The following DCC variants were observed in gnomAD, a reference collection of about 807,000 sequenced individuals.
DCC encodes DCC netrin 1 receptor.
A neutral mutation model predicts 172.5 loss-of-function variants in DCC; 58 were observed. That is an observed-to-expected ratio of 0.34 (90% CI 0.27 to 0.42). DCC has a LOEUF of 0.42. Among genes scored for constraint, DCC ranks in the 10% least tolerant of loss-of-function variants. DCC has a pLI of 1.00. For synonymous variants in DCC, 709 were observed against 644.5 expected, an observed-to-expected ratio of 1.10 and a Z score of -1.52; for missense variants, 1,740 against 1,791.0, an observed-to-expected ratio of 0.97 and a Z score of 0.51.
intron 2 of DCC, among the ~76,000 whole-genome samples, chr18:52,904,857 CAT>C (rs1045396030): frequency 1.3e-5 from 2 of 152,122 alleles, no homozygotes; most frequent in Admixed American, 6.5e-5. Flanking sequence ...GAATAGCAAA[CAT>C]AAATAATTAT....
chr18:52,342,472 TG>T (rs1983696627), intron 1 of DCC, among the ~76,000 whole-genome samples: 1 of 13,374 alleles, frequency 7.5e-5, no homozygotes, highest in African/African-American at 3.1e-4. Flanking sequence ...GGTGGGGGGG[TG>T]GGCATCTCCA....
chr18:53,346,321 T>C (rs1160246805), intron 15 of DCC, among the ~76,000 whole-genome samples: 1 of 152,200 alleles, frequency 6.6e-6, no homozygotes, highest in African/African-American at 2.4e-5. Flanking sequence ...ATTAAATCTG[T>C]AAATTTATGA....
rs535796259 is a variant in DCC, at chr18:52,929,554, G to A, written c.985+4184G>A. 3.9e-5 allele frequency among the ~76,000 whole-genome samples: 6 copies of A among 152,160 alleles called. No individual in the cohort carries two copies. In the Middle Eastern group the frequency reaches 0.014, roughly 345 times the overall value. On this transcript the variant is annotated intron_variant, in intron 5 of 28. Coordinates refer to ENST00000442544, the MANE Select transcript of DCC (RefSeq NM_005215.4). ...AATACAAGCTGTTCTTTGAAAATGA[G>A]GTTAAAACAACTGCCATACTTCGAA...
At chr18:53,293,931 G>T (rs1400141881) in intron 12 of DCC, among the ~76,000 whole-genome samples, 1 of 152,134 alleles carries the variant, frequency 6.6e-6, no homozygotes, top group Non-Finnish European at 1.5e-5. Flanking sequence ...TCTGTGAACA[G>T]TCATAGATTG....
chr18:53,124,980 AATG>A (rs558761130), intron 7 of DCC, among the ~76,000 whole-genome samples: 277 of 152,018 alleles, frequency 1.8e-3, no homozygotes, highest in Non-Finnish European at 3.2e-3. Context: ...AAAAAAAAAA[AATG>A]ATGCTATCAT....
At chr18:53,340,200 A>G (rs1227474420) in intron 15 of DCC, among the ~76,000 whole-genome samples, 1 of 152,096 alleles carries the variant, frequency 6.6e-6, no homozygotes, top group Non-Finnish European at 1.5e-5. Flanking sequence ...ATAGGATACA[A>G]AAAGTGCGTT....
chr18:53,416,282 A>G, intron 21 of DCC, 126 bp downstream of exon 21: 2 of 764,468 alleles, frequency 2.6e-6, no homozygotes, highest in Non-Finnish European at 4.7e-6. Flanking sequence ...CACTGGCGTG[A>G]CGATTAATCT....
intron 7 of DCC, among the ~76,000 whole-genome samples, chr18:53,078,673 A>G (rs1246968027): frequency 6.6e-6 from 1 of 152,178 alleles, no homozygotes; most frequent in Non-Finnish European, 1.5e-5. Context: ...CCATCAAACA[A>G]TAATTAATCA....
chr18:52,400,340 A>G (rs536724510), intron 1 of DCC, among the ~76,000 whole-genome samples: 48 of 152,162 alleles, frequency 3.2e-4, no homozygotes, highest in Non-Finnish European at 6.3e-4. Flanking sequence ...TTCCTAAACA[A>G]AACTTCCTAT....
At chr18:53,347,358 G>GA (rs1243223535) in intron 15 of DCC, among the ~76,000 whole-genome samples, 1 of 152,158 alleles carries the variant, frequency 6.6e-6, no homozygotes, top group Non-Finnish European at 1.5e-5. Flanking sequence ...TTTTTGGGGG[G>GA]ATTGTTTTGT....
chr18:53,311,946 G>A (rs959347040), intron 13 of DCC, among the ~76,000 whole-genome samples: 1 of 152,202 alleles, frequency 6.6e-6, no homozygotes, highest in East Asian at 1.9e-4. Flanking sequence ...GATTGTATCA[G>A]TATTAAAAGG....
intron 14 of DCC, among the ~76,000 whole-genome samples, chr18:53,332,348 T>G (rs1253621715): frequency 1.3e-5 from 2 of 152,046 alleles, no homozygotes; most frequent in African/African-American, 4.8e-5. Flanking sequence ...AAAACACATA[T>G]TAAAAGTAAA....
At chr18:53,316,666 C>T (rs946078462) in intron 13 of DCC, among the ~76,000 whole-genome samples, 6 of 152,202 alleles carry the variant, frequency 3.9e-5, no homozygotes, top group Admixed American at 3.3e-4. Flanking sequence ...CTTGAAGACA[C>T]CCTTCACATC....
chr18:53,455,657 T>C (rs2045473908), intron 23 of DCC, among the ~76,000 whole-genome samples: 1 of 152,236 alleles, frequency 6.6e-6, no homozygotes. Flanking sequence ...ATCTGATTAA[T>C]ATTAACTCTC....
At chr18:53,399,527 C>G (rs1909169775) in intron 18 of DCC, among the ~76,000 whole-genome samples, 1 of 152,078 alleles carries the variant, frequency 6.6e-6, no homozygotes, top group Non-Finnish European at 1.5e-5. Flanking sequence ...ATTCCTATGG[C>G]TGAAATCTTC....
chr18:53,241,497 A>G (rs2056293715), intron 12 of DCC, among the ~76,000 whole-genome samples: 1 of 152,106 alleles, frequency 6.6e-6, no homozygotes, highest in Admixed American at 6.6e-5. Context: ...CCGCAGTTTC[A>G]TGGTCCCTGG....
At chr18:53,134,057 T>C (rs2043700281) in intron 7 of DCC, among the ~76,000 whole-genome samples, 1 of 152,182 alleles carries the variant, frequency 6.6e-6, no homozygotes, top group Non-Finnish European at 1.5e-5. Flanking sequence ...TAGAATTATT[T>C]ACTTTCAGCC....
At chr18:52,925,700 A>T (rs1221527394) in intron 5 of DCC, among the ~76,000 whole-genome samples, 1 of 151,970 alleles carries the variant, frequency 6.6e-6, no homozygotes, top group East Asian at 1.9e-4. Flanking sequence ...ATGAAGGAAA[A>T]TTGTACAAAA....
At chr18:53,448,047 GTTTTTTT>G (rs35238619) in intron 22 of DCC, among the ~76,000 whole-genome samples, 2 of 113,756 alleles carry the variant, frequency 1.8e-5, no homozygotes, top group African/African-American at 3.4e-5. Context: ...ATTTTGATGA[GTTTTTTT>G]TTTTTTTTTT....
Sources: allele counts gnomAD v4.1 joint callset (sites outside exome capture counted in the v4.1 genomes callset), GRCh38; gene constraint gnomAD v4.1.1; transcripts MANE v1.5; gene names NCBI Gene and HGNC (gene_info 2026-07-23, HGNC 2026-07-21).